Variants in PARD3B observed in about 807,000 individuals in gnomAD.
The protein encoded by PARD3B is partitioning defective 3 homolog B.
In PARD3B, 103 loss-of-function variants were observed where a neutral mutation model predicts 130.2. The observed-to-expected ratio is 0.79, with a 90% CI of 0.67 to 0.93. The LOEUF is 0.93. PARD3B is among the 40% of genes least tolerant of loss of function. The pLI, the probability that PARD3B is intolerant of heterozygous loss-of-function variation, is 0.00. For synonymous variants in PARD3B, 583 were observed against 553.2 expected (o/e 1.05, Z -0.76); for missense variants, 1,609 against 1,499.2 (o/e 1.07, Z -1.21).
chr2:205,485,146 A>T (rs1251725884), intron 20 of PARD3B, among the ~76,000 whole-genome samples: 2 of 152,190 alleles, frequency 1.3e-5, no homozygotes, highest in African/African-American at 4.8e-5. Flanking sequence ...AGTCTTTGTC[A>T]ACCCATAATG....
chr2:204,921,812 G>C (rs912465021), intron 2 of PARD3B, among the ~76,000 whole-genome samples: 1 of 152,082 alleles, frequency 6.6e-6, no homozygotes, highest in African/African-American at 2.4e-5. Flanking sequence ...TCAAATAGGG[G>C]ACTATTGCAA....
intron 1 of PARD3B, among the ~76,000 whole-genome samples, chr2:204,594,243 T>C (rs1232642722): frequency 2.0e-5 from 3 of 152,142 alleles, no homozygotes; most frequent in African/African-American, 7.2e-5. Context: ...CATTACTGAG[T>C]GTTCCTGTGC....
intron 1 of PARD3B, among the ~76,000 whole-genome samples, chr2:204,659,819 T>C (rs1252161380): frequency 6.6e-6 from 1 of 152,216 alleles, no homozygotes; most frequent in Non-Finnish European, 1.5e-5. Flanking sequence ...CATTAATCTG[T>C]CTTTATAAAC....
chr2:205,559,511 G>A (rs192928400), intron 22 of PARD3B, among the ~76,000 whole-genome samples: 137 of 151,408 alleles, frequency 9.0e-4, no homozygotes, highest in Non-Finnish European at 1.1e-3. Context: ...TTTTTTGACA[G>A]TTGGTTTTAG....
intron 4 of PARD3B, chr2:205,047,959 CAT>C (rs531872394): frequency 3.1e-4 from 82 of 265,920 alleles, no homozygotes; most frequent in African/African-American, 1.3e-3. Context: ...AAGGTAAGCA[CAT>C]GTTTTTATCT....
chr2:205,026,816 A>G (rs187905029), intron 3 of PARD3B, among the ~76,000 whole-genome samples: 2 of 152,290 alleles, frequency 1.3e-5, no homozygotes, highest in Admixed American at 1.3e-4. Context: ...GCTTAGCATA[A>G]TGTCCTCCAA....
At chr2:205,052,756 TTCA>T (rs1699315424) in intron 4 of PARD3B, among the ~76,000 whole-genome samples, 1 of 152,116 alleles carries the variant, frequency 6.6e-6, no homozygotes, top group Non-Finnish European at 1.5e-5. Flanking sequence ...TGAAGGTTAG[TTCA>T]TCATATTATC....
intron 18 of PARD3B, among the ~76,000 whole-genome samples, chr2:205,390,991 C>A (rs1405380135): frequency 1.3e-5 from 2 of 152,160 alleles, no homozygotes; most frequent in African/African-American, 4.8e-5. Context: ...GCTGAGATGA[C>A]CCCATTTGCC....
chr2:205,607,018 C>T (rs73062230), intron 22 of PARD3B, among the ~76,000 whole-genome samples: 4 of 152,212 alleles, frequency 2.6e-5, no homozygotes, highest in Admixed American at 1.3e-4. Context: ...GTGATGCCAA[C>T]GTTCAAGGTA....
intron 20 of PARD3B, among the ~76,000 whole-genome samples, chr2:205,491,986 A>G (rs1485348402): frequency 6.6e-6 from 1 of 152,172 alleles, no homozygotes; most frequent in African/African-American, 2.4e-5. Flanking sequence ...CCTCTACCTT[A>G]TGACCCTAAC....
At chr2:204,957,132 A>C (rs1233406641) in intron 2 of PARD3B, among the ~76,000 whole-genome samples, 1 of 152,178 alleles carries the variant, frequency 6.6e-6, no homozygotes, top group Non-Finnish European at 1.5e-5. Context: ...ATTCTCTCCA[A>C]CTTGTCAAGG....
At chr2:205,498,438 G>A (rs1429639257) in intron 20 of PARD3B, among the ~76,000 whole-genome samples, 1 of 151,950 alleles carries the variant, frequency 6.6e-6, no homozygotes, top group East Asian at 1.9e-4. Flanking sequence ...GGAGGCAGAG[G>A]GTGCAGTGAG....
At chr2:205,418,148 G>A (rs905195627) in intron 19 of PARD3B, among the ~76,000 whole-genome samples, 81 of 152,262 alleles carry the variant, frequency 5.3e-4, no homozygotes, top group African/African-American at 1.8e-3. Flanking sequence ...TTGATCATCT[G>A]GAGAACTAAT....
At chr2:205,210,146 G>C (rs1006318271) in intron 15 of PARD3B, among the ~76,000 whole-genome samples, 1 of 151,760 alleles carries the variant, frequency 6.6e-6, no homozygotes, top group African/African-American at 2.4e-5. Flanking sequence ...TGGGAGGATC[G>C]TTTCACCCTG....
At chr2:205,515,314 T>C (rs2050750142) in intron 21 of PARD3B, among the ~76,000 whole-genome samples, 1 of 152,200 alleles carries the variant, frequency 6.6e-6, no homozygotes, top group Non-Finnish European at 1.5e-5. Flanking sequence ...TTTGCGTGCA[T>C]GTGTCTTTAT....
At chr2:204,824,237 A>G (rs973014630) in intron 2 of PARD3B, among the ~76,000 whole-genome samples, 5 of 152,164 alleles carry the variant, frequency 3.3e-5, no homozygotes, top group African/African-American at 7.2e-5. Context: ...CATTTGGCCA[A>G]TGGAGAATCC....
chr2:204,589,484 A>AT (rs1455568258), intron 1 of PARD3B, among the ~76,000 whole-genome samples: 1 of 152,208 alleles, frequency 6.6e-6, no homozygotes, highest in African/African-American at 2.4e-5. Flanking sequence ...CGAAGGCAGA[A>AT]CTTTTATCTA....
At chr2:205,398,723 A>G (rs1257143857) in intron 18 of PARD3B, among the ~76,000 whole-genome samples, 1 of 152,210 alleles carries the variant, frequency 6.6e-6, no homozygotes, top group Non-Finnish European at 1.5e-5. Flanking sequence ...CTCCGACTTG[A>G]CTAACATCCT....
chr2:205,259,376 G>A (rs2040213708), intron 16 of PARD3B, among the ~76,000 whole-genome samples: 1 of 149,724 alleles, frequency 6.7e-6, no homozygotes, highest in South Asian at 2.1e-4. Flanking sequence ...TAGACTTATA[G>A]CACATTGGAG....
Sources: allele counts gnomAD v4.1 joint callset (sites outside exome capture counted in the v4.1 genomes callset), GRCh38; gene constraint gnomAD v4.1.1; transcripts MANE v1.5; gene names NCBI Gene and HGNC (gene_info 2026-07-23, HGNC 2026-07-21).